Variants in VPS13B observed in about 807,000 individuals in gnomAD.
VPS13B encodes the protein intermembrane lipid transfer protein VPS13B.
A neutral mutation model predicts 426.4 loss-of-function variants in VPS13B; 285 were observed. The observed-to-expected ratio is 0.67, with a 90% confidence interval of 0.61 to 0.74. VPS13B has a LOEUF of 0.74. Ranked by LOEUF, VPS13B falls within the 30% of genes least tolerant of loss-of-function variation. The pLI, the probability that VPS13B is intolerant of heterozygous loss-of-function variation, is 0.00. For missense variants in VPS13B, 4,537 were observed against 4,782.6 expected (o/e 0.95, Z 1.51); for synonymous variants, 1,676 against 1,676.4 (o/e 1.00, Z 0.01).
At chr8:99,492,489 G>A (rs1244271046) in intron 25 of VPS13B, among the ~76,000 whole-genome samples, 1 of 152,216 alleles carries the variant, frequency 6.6e-6, no homozygotes, top group East Asian at 1.9e-4. Context: ...GTCTAGAGAG[G>A]CAGTAGGTCT....
chr8:99,132,814 C>T (rs1809872678), intron 8 of VPS13B, among the ~76,000 whole-genome samples: 2 of 152,206 alleles, frequency 1.3e-5, no homozygotes, highest in East Asian at 1.9e-4. Context: ...TAAGAGGAGT[C>T]CTTTTTTTTG....
chr8:99,847,778 T>C (rs1816056554), intron 54 of VPS13B, among the ~76,000 whole-genome samples: 1 of 152,176 alleles, frequency 6.6e-6, no homozygotes, highest in African/African-American at 2.4e-5. Flanking sequence ...TCCAAATAAC[T>C]CTCTGGCTTT....
chr8:99,563,239 A>T (rs1271582062), intron 31 of VPS13B, among the ~76,000 whole-genome samples: 1 of 152,230 alleles, frequency 6.6e-6, no homozygotes, highest in Admixed American at 6.5e-5. Context: ...TTTACACTGG[A>T]GAAACAAAAT....
intron 33 of VPS13B, among the ~76,000 whole-genome samples, chr8:99,579,212 A>G (rs1292121433): frequency 6.6e-6 from 1 of 152,178 alleles, no homozygotes; most frequent in Non-Finnish European, 1.5e-5. Flanking sequence ...CGTATTTTAG[A>G]AAAGACCTAC....
At chr8:99,391,331 G>A in intron 20 of VPS13B, among the ~76,000 whole-genome samples, 1 of 150,738 alleles carries the variant, frequency 6.6e-6, no homozygotes, top group East Asian at 2.0e-4. Context: ...GCATTGCTCT[G>A]TGTGTGCATG....
chr8:99,586,141 T>C (rs1826287972), intron 33 of VPS13B, among the ~76,000 whole-genome samples: 2 of 152,210 alleles, frequency 1.3e-5, no homozygotes, highest in Non-Finnish European at 2.9e-5. Context: ...TGATGCCATA[T>C]TAAGCTGTTT....
At chr8:99,772,067 T>C (rs1292594335) in intron 40 of VPS13B, among the ~76,000 whole-genome samples, 1 of 152,238 alleles carries the variant, frequency 6.6e-6, no homozygotes, top group Non-Finnish European at 1.5e-5. Context: ...GGAGTTGGCC[T>C]TTGCCATGCA....
chr8:99,409,804 A>T (rs1815529978), intron 21 of VPS13B, among the ~76,000 whole-genome samples: 1 of 152,176 alleles, frequency 6.6e-6, no homozygotes, highest in Admixed American at 6.6e-5. Context: ...ATCAAATAAG[A>T]TGAGAAGAGT....
chr8:99,642,923 A>C (rs1292588109), intron 34 of VPS13B, among the ~76,000 whole-genome samples: 2 of 152,344 alleles, frequency 1.3e-5, no homozygotes, highest in Non-Finnish European at 1.5e-5. Context: ...AATCATCTTC[A>C]TGCAATAGCA....
chr8:99,459,966 T>G (rs1818740546), intron 23 of VPS13B, among the ~76,000 whole-genome samples: 1 of 152,146 alleles, frequency 6.6e-6, no homozygotes, highest in Non-Finnish European at 1.5e-5. Flanking sequence ...TTTTTCCAGC[T>G]TTTTACGTTA....
intron 17 of VPS13B, among the ~76,000 whole-genome samples, chr8:99,194,115 G>A (rs373733894): frequency 1.6e-4 from 24 of 152,254 alleles, no homozygotes; most frequent in African/African-American, 5.3e-4. Context: ...GAATTTTGAA[G>A]CATTTCAGAT....
intron 22 of VPS13B, among the ~76,000 whole-genome samples, chr8:99,433,955 AC>A (rs1275593871): frequency 1.3e-5 from 2 of 151,870 alleles, no homozygotes; most frequent in Non-Finnish European, 2.9e-5. Context: ...ACAGGCGCCC[AC>A]CACCACGCCC....
chr8:99,375,927 T>A (rs566688813), intron 19 of VPS13B, among the ~76,000 whole-genome samples: 1 of 152,348 alleles, frequency 6.6e-6, no homozygotes, highest in South Asian at 2.1e-4. Context: ...TATAGGACAG[T>A]CTCATTGGCT....
In VPS13B at chr8:99,871,517, A is replaced by C. The variant is rs7844645; in HGVS notation, c.11565A>C (p.Ser3855=). 6.2e-7 allele frequency: 1 copy of C among 1,614,200 alleles called. No individual in the cohort carries two copies. The highest frequency in any genetic ancestry group is 1.7e-5 in the Admixed American group (1 of 60,026). The change falls in exon 61 of 62, where the codon TCA becomes TCC. Residue 3855 remains serine (S), a synonymous_variant. Transcript: ENST00000357162. ...TGGACGTGGTTCTGGTGAGGGGCTC[A>C]GGCCAGGAGCATGAAGGGTGCTTGC... The part of the protein sequence containing the change: ...MALDVVLVRG[S]GQEHEGCLLL...
chr8:99,329,603 C>T (rs563914921), intron 19 of VPS13B, among the ~76,000 whole-genome samples: 15 of 152,058 alleles, frequency 9.9e-5, no homozygotes, highest in South Asian at 6.2e-4. Flanking sequence ...TTTCCAGTTT[C>T]GTTTTTGAAG....
At chr8:99,106,364 G>A (rs1315106126) in intron 5 of VPS13B, among the ~76,000 whole-genome samples, 1 of 150,754 alleles carries the variant, frequency 6.6e-6, no homozygotes, top group Non-Finnish European at 1.5e-5. Flanking sequence ...GAACCCAGGA[G>A]GCGGAGGCTG....
intron 56 of VPS13B, among the ~76,000 whole-genome samples, chr8:99,856,966 G>A (rs540770950): frequency 6.6e-6 from 1 of 152,322 alleles, no homozygotes; most frequent in Admixed American, 6.5e-5. Flanking sequence ...AAAGCATGTG[G>A]TCTTTATCCT....
At chr8:99,413,311 G>T (rs1178882227) in intron 21 of VPS13B, among the ~76,000 whole-genome samples, 1 of 151,936 alleles carries the variant, frequency 6.6e-6, no homozygotes, top group African/African-American at 2.4e-5. Flanking sequence ...CCACAAATTT[G>T]TCCATTTCTT....
At chr8:99,444,790 A>G (rs1203583812) in intron 23 of VPS13B, among the ~76,000 whole-genome samples, 1 of 151,984 alleles carries the variant, frequency 6.6e-6, no homozygotes, top group African/African-American at 2.4e-5. Context: ...CCACCTCCTG[A>G]GTAGCTGGGA....
Sources: gnomAD v4.1 joint callset for allele counts (sites outside exome capture counted in the v4.1 genomes callset) on GRCh38, gnomAD v4.1.1 for gene constraint, MANE v1.5 for transcripts, NCBI Gene and HGNC (gene_info 2026-07-23, HGNC 2026-07-21) for gene names.